FGF12: variants seen among roughly 807,000 people sequenced by gnomAD.
FGF12 encodes fibroblast growth factor 12.
A neutral mutation model predicts 23.6 loss-of-function variants in FGF12; 14 were observed. The observed-to-expected ratio is 0.59, with a 90% CI of 0.39 to 0.93. The LOEUF (loss-of-function observed/expected upper bound fraction) is 0.93. FGF12 is among the 40% of genes least tolerant of loss of function. The pLI is 0.00. For missense variants in FGF12, 175 were observed against 217.8 expected (o/e 0.80, Z 1.24); for synonymous variants, 62 against 77.3 (o/e 0.80, Z 1.04).
At chr3:192,180,926 T>C (rs1716136781) in intron 4 of FGF12, among the ~76,000 whole-genome samples, 1 of 152,166 alleles carries the variant, frequency 6.6e-6, no homozygotes, top group African/African-American at 2.4e-5. Flanking sequence ...GACAGCACTG[T>C]GGTTTTGTGA....
intron 2 of FGF12, among the ~76,000 whole-genome samples, chr3:192,616,455 C>T (rs371087442): frequency 1.3e-5 from 2 of 151,948 alleles, no homozygotes; most frequent in East Asian, 3.9e-4. Flanking sequence ...ATTATGATTC[C>T]TAAGCCTATT....
rs1261603255 is a variant in FGF12, at chr3:192,408,553, T to C, written c.14-48015A>G. 8.7e-7 allele frequency: 1 copy of C among 1,154,242 alleles called. No homozygotes were observed. The highest frequency in any genetic ancestry group is 1.1e-6 in the Non-Finnish European group (1 of 936,008). 71.5% of individuals were successfully genotyped at this position (1,154,242 alleles called of 1,614,324 possible). A position where few individuals can be genotyped will look rare whatever the true frequency, so the allele number is the denominator to read the frequency against. On this transcript the variant is annotated intron_variant, in intron 2 of 5. Coordinates refer to ENST00000445105, the MANE Select transcript of FGF12 (RefSeq NM_004113.6). This position sits in a 1 kb window ranked among gnomAD's most constrained non-coding sequence, Gnocchi z 7.3. Reference sequence around the variant, plus strand: ...AAGGCGATCGGCGTCCAAGGGGCAGTGGGGAGTTTAGTCACACTGCGTTCG... The same window carrying C: ...AAGGCGATCGGCGTCCAAGGGGCAGCGGGGAGTTTAGTCACACTGCGTTCG...
At chr3:192,690,959 G>A (rs780509331) in intron 2 of FGF12, among the ~76,000 whole-genome samples, 1 of 152,006 alleles carries the variant, frequency 6.6e-6, no homozygotes, top group African/African-American at 2.4e-5. Flanking sequence ...ATATAATGAT[G>A]AAGGGGTCAA....
intron 3 of FGF12, among the ~76,000 whole-genome samples, chr3:192,344,977 A>G (rs912151094): frequency 8.5e-5 from 13 of 152,212 alleles, no homozygotes; most frequent in Admixed American, 3.3e-4. Context: ...TTCAGTGAAC[A>G]GCACAGGTGA....
chr3:192,678,289 C>T (rs769840430), intron 2 of FGF12, among the ~76,000 whole-genome samples: 1 of 152,204 alleles, frequency 6.6e-6, no homozygotes, highest in Non-Finnish European at 1.5e-5. Context: ...ATTCACCCAG[C>T]TAATAAATGG....
chr3:192,403,361 A>G (rs2108772433), intron 2 of FGF12, among the ~76,000 whole-genome samples: 1 of 152,326 alleles, frequency 6.6e-6, no homozygotes, highest in South Asian at 2.1e-4. Context: ...TTACGTCTTG[A>G]TGAGATCTCT....
intron 2 of FGF12, among the ~76,000 whole-genome samples, chr3:192,620,734 G>A (rs186710357): frequency 6.6e-6 from 1 of 152,250 alleles, no homozygotes; most frequent in Non-Finnish European, 1.5e-5. Context: ...TGTCTGAACT[G>A]TCATGTACCC....
chr3:192,519,218 C>T (rs1724753931), intron 2 of FGF12, among the ~76,000 whole-genome samples: 1 of 152,196 alleles, frequency 6.6e-6, no homozygotes, highest in Admixed American at 6.6e-5. Flanking sequence ...AACTACGACC[C>T]ATATTGCATT....
At chr3:192,431,967 T>C (rs1006325653) in intron 2 of FGF12, among the ~76,000 whole-genome samples, 11 of 152,078 alleles carry the variant, frequency 7.2e-5, no homozygotes, top group African/African-American at 2.7e-4. Flanking sequence ...CCACAATGTC[T>C]CTTTGTTGTC....
intron 2 of FGF12, among the ~76,000 whole-genome samples, chr3:192,412,480 T>A (rs1721228066): frequency 6.6e-6 from 1 of 152,216 alleles, no homozygotes; most frequent in Admixed American, 6.5e-5. Context: ...CAACATTCTT[T>A]CTGTGTTTAG....
chr3:192,320,447 G>T (rs1716476088), intron 4 of FGF12, among the ~76,000 whole-genome samples: 1 of 152,090 alleles, frequency 6.6e-6, no homozygotes, highest in African/African-American at 2.4e-5. Flanking sequence ...AACTTAATCT[G>T]CACTATAGAT....
chr3:192,393,422 G>A (rs959439687), intron 2 of FGF12, among the ~76,000 whole-genome samples: 1 of 152,142 alleles, frequency 6.6e-6, no homozygotes, highest in African/African-American at 2.4e-5. Flanking sequence ...ACCATGAGGT[G>A]GCCTCTAACT....
At chr3:192,686,038 G>C (rs1358197175) in intron 2 of FGF12, among the ~76,000 whole-genome samples, 1 of 152,232 alleles carries the variant, frequency 6.6e-6, no homozygotes, top group South Asian at 2.1e-4. Flanking sequence ...GAAGAATGGA[G>C]AAGGAAGGAG....
intron 2 of FGF12, among the ~76,000 whole-genome samples, chr3:192,610,595 T>C (rs1714517409): frequency 6.6e-6 from 1 of 152,056 alleles, no homozygotes; most frequent in Admixed American, 6.6e-5. Flanking sequence ...TTATTCAACA[T>C]GGAAACCAGA....
chr3:192,721,407 T>C (rs1268782827), intron 2 of FGF12, among the ~76,000 whole-genome samples: 1 of 152,194 alleles, frequency 6.6e-6, no homozygotes, highest in Non-Finnish European at 1.5e-5. Flanking sequence ...TCCTTTGTTT[T>C]GTTATCTATA....
At chr3:192,597,133 G>A (rs1267733366) in intron 2 of FGF12, among the ~76,000 whole-genome samples, 1 of 152,182 alleles carries the variant, frequency 6.6e-6, no homozygotes, top group African/African-American at 2.4e-5. Flanking sequence ...CCAGGGCCTT[G>A]AGTAGTGAGA....
chr3:192,357,862 C>A (rs771897345), intron 3 of FGF12, among the ~76,000 whole-genome samples: 3 of 152,158 alleles, frequency 2.0e-5, no homozygotes, highest in Non-Finnish European at 4.4e-5. Context: ...TTAAGGAAGG[C>A]ATCTTCAACA....
intron 4 of FGF12, among the ~76,000 whole-genome samples, chr3:192,230,686 T>C (rs1282606958): frequency 6.6e-6 from 1 of 152,196 alleles, no homozygotes; most frequent in East Asian, 1.9e-4. Flanking sequence ...AATGTCAGAC[T>C]AACCTAGAGT....
chr3:192,561,789 A>G (rs1318960194), intron 2 of FGF12, among the ~76,000 whole-genome samples: 1 of 152,140 alleles, frequency 6.6e-6, no homozygotes, highest in African/African-American at 2.4e-5. Flanking sequence ...ATTGTTTGCA[A>G]ATTTGTTTCC....
Sources: allele counts gnomAD v4.1 joint callset (sites outside exome capture counted in the v4.1 genomes callset), GRCh38; gene constraint gnomAD v4.1.1; non-coding constraint Gnocchi (gnomAD v3.1); transcripts MANE v1.5; gene names NCBI Gene and HGNC (gene_info 2026-07-23, HGNC 2026-07-21).